ZRANB1: variants seen among roughly 807,000 people sequenced by gnomAD.
ZRANB1 encodes ubiquitin thioesterase ZRANB1.
ZRANB1 carries 16 observed loss-of-function variants against 80.5 expected under a neutral mutation model. That is an observed-to-expected ratio of 0.20 (90% CI 0.13 to 0.30). ZRANB1 has a LOEUF of 0.30. Ranked by LOEUF, ZRANB1 falls within the 10% of genes least tolerant of loss-of-function variation. The probability of loss-of-function intolerance (pLI) is 1.00; values close to 1 mark genes in which losing one functional copy is unlikely to be tolerated. For missense variants in ZRANB1, 576 were observed against 862.6 expected, an observed-to-expected ratio of 0.67 and a Z score of 4.16; for synonymous variants, 291 against 293.1, an observed-to-expected ratio of 0.99 and a Z score of 0.07.
At chr10:124,977,294 T>TG (rs1951886148) in intron 5 of ZRANB1, among the ~76,000 whole-genome samples, 2 of 142,316 alleles carry the variant, frequency 1.4e-5, no homozygotes, top group African/African-American at 2.6e-5. Context: ...TTTTTTTTTC[T>TG]TTTTTTAAAA....
At chr10:124,944,494 C>G (rs879533323) in intron 1 of ZRANB1, among the ~76,000 whole-genome samples, 8 of 112,646 alleles carry the variant, frequency 7.1e-5, no homozygotes, top group Admixed American at 1.8e-4. Context: ...TCCCCCCCCC[C>G]CCCCGCCCCA....
chr10:124,934,559 A>G, the ZRANB1 span, among the ~76,000 whole-genome samples: 2 of 152,220 alleles, frequency 1.3e-5, no homozygotes, highest in African/African-American at 4.8e-5. Context: ...TTTATTGAAC[A>G]ATTTTGCGGC....
chr10:124,948,970 A>G (rs561616636), intron 1 of ZRANB1, among the ~76,000 whole-genome samples: 10 of 152,146 alleles, frequency 6.6e-5, no homozygotes, highest in South Asian at 4.1e-4. Context: ...ATGTTTTTCA[A>G]TAGTTGGGGC....
chr10:124,922,891 A>C, the ZRANB1 span, among the ~76,000 whole-genome samples: 1 of 152,164 alleles, frequency 6.6e-6, no homozygotes, highest in Non-Finnish European at 1.5e-5. Context: ...GCGTGGTGTC[A>C]TGTGGCTGTA....
At position 124,942,134 on chromosome 10, in the gene ZRANB1, C is replaced by T; in HGVS notation, c.-360C>T. The stretch of plus-strand genomic sequence containing the variant: ...TTTTCTAAATTGATGTGATGGCCTC[C>T]CTGAAATTAAACATTTCTATTAGTG... On this transcript the variant is annotated 5_prime_UTR_variant, in exon 1 of 9. Transcript: ENST00000359653. The T allele has an allele frequency of 9.5e-7, 1 of 1,055,004 alleles. No individual in the cohort carries two copies. The highest frequency in any genetic ancestry group is 7.8e-5 in the East Asian group (1 of 12,846). The allele number at this position is 1,055,004 out of a possible 1,614,324, so 65.4% of individuals were successfully genotyped here.
chr10:124,934,109 G>T, the ZRANB1 span, among the ~76,000 whole-genome samples: 1 of 152,094 alleles, frequency 6.6e-6, no homozygotes, highest in South Asian at 2.1e-4. Flanking sequence ...ATTTAAATTC[G>T]TTACATTTTG....
At chr10:124,973,391 A>G (rs374943350) in intron 3 of ZRANB1, among the ~76,000 whole-genome samples, 21 of 152,320 alleles carry the variant, frequency 1.4e-4, no homozygotes, top group Middle Eastern at 6.8e-3. Flanking sequence ...TCCTGAGTTC[A>G]AGCAGTATGC....
the ZRANB1 span, among the ~76,000 whole-genome samples, chr10:124,935,138 A>C: frequency 3.3e-5 from 5 of 152,200 alleles, no homozygotes; most frequent in Non-Finnish European, 7.3e-5. Flanking sequence ...ACATGTTACA[A>C]ATTTTTTAAT....
intron 5 of ZRANB1, among the ~76,000 whole-genome samples, chr10:124,975,653 C>T (rs193096406): frequency 2.0e-5 from 3 of 152,276 alleles, no homozygotes; most frequent in Non-Finnish European, 4.4e-5. Flanking sequence ...CAGGCATGAG[C>T]CACCGTGCCC....
upstream of ZRANB1, among the ~76,000 whole-genome samples, chr10:124,939,748 G>A (rs559463767): frequency 6.6e-6 from 1 of 151,978 alleles, no homozygotes; most frequent in Non-Finnish European, 1.5e-5. Flanking sequence ...ATTTCCAGTA[G>A]CATGAGCAAG....
intron 1 of ZRANB1, among the ~76,000 whole-genome samples, chr10:124,948,740 C>G (rs1005006706): frequency 6.6e-6 from 1 of 152,144 alleles, no homozygotes; most frequent in Non-Finnish European, 1.5e-5. Flanking sequence ...ATTTGTCTCT[C>G]TCTACTCTAG....
chr10:124,930,687 T>A, the ZRANB1 span, among the ~76,000 whole-genome samples: 1 of 152,216 alleles, frequency 6.6e-6, no homozygotes. Flanking sequence ...AAGGGAAATA[T>A]TATAGGATAT....
the ZRANB1 span, among the ~76,000 whole-genome samples, chr10:124,918,167 C>T: frequency 6.6e-6 from 1 of 152,098 alleles, no homozygotes; most frequent in Admixed American, 6.6e-5. Flanking sequence ...GCAAAAATAC[C>T]GTTTTAGGAA....
chr10:124,951,979 C>A (rs1283763350), intron 1 of ZRANB1, among the ~76,000 whole-genome samples: 2 of 151,750 alleles, frequency 1.3e-5, no homozygotes, highest in African/African-American at 4.8e-5. Context: ...TAAATAAAAA[C>A]AAAAAAATAA....
chr10:124,986,297 A>ACC lies in ZRANB1; in HGVS notation c.*1306_*1307insCC, dbSNP rs1952040678. ...CACACGCACGCGCGCGCGCGCACAC[A>ACC]CACACACACACACACACACACACAC... On this transcript the variant is annotated 3_prime_UTR_variant, in exon 9 of 9. Coordinates refer to ENST00000359653, the MANE Select transcript of ZRANB1 (RefSeq NM_017580.3). 1 of 85,476 alleles carries ACC rather than the reference A, an allele frequency of 1.2e-5. No individual in the cohort carries two copies. Among genetic ancestry groups the ACC allele is most frequent in the East Asian group, 3.3e-4 (1 of 2,988 alleles). The allele number at this position is 85,476 out of a possible 1,614,324, so 5.3% of individuals were successfully genotyped here. A position where few individuals can be genotyped will look rare whatever the true frequency, so the allele number is the denominator to read the frequency against.
chr10:124,960,759 TA>T (rs113595679), intron 1 of ZRANB1, among the ~76,000 whole-genome samples: 1 of 151,672 alleles, frequency 6.6e-6, no homozygotes. Context: ...TACCCTCTAG[TA>T]AAAAAAAGGT....
At chr10:124,933,535 T>G in the ZRANB1 span, among the ~76,000 whole-genome samples, 1 of 152,228 alleles carries the variant, frequency 6.6e-6, no homozygotes, top group African/African-American at 2.4e-5. Context: ...TTTTTGGAGT[T>G]AATTGTTCCA....
chr10:124,964,828 A>T (rs1283812922), intron 1 of ZRANB1, among the ~76,000 whole-genome samples: 1 of 152,232 alleles, frequency 6.6e-6, no homozygotes, highest in Non-Finnish European at 1.5e-5. Context: ...CGTTGCCTTC[A>T]TACAGAAATG....
At chr10:124,954,543 G>T (rs1951673588) in intron 1 of ZRANB1, among the ~76,000 whole-genome samples, 1 of 150,692 alleles carries the variant, frequency 6.6e-6, no homozygotes, top group Non-Finnish European at 1.5e-5. Flanking sequence ...TACCTTCTGG[G>T]TTCACACAAT....
Sources: gnomAD v4.1 joint callset for allele counts (sites outside exome capture counted in the v4.1 genomes callset) on GRCh38, gnomAD v4.1.1 for gene constraint, MANE v1.5 for transcripts, NCBI Gene and HGNC (gene_info 2026-07-23, HGNC 2026-07-21) for gene names.